CTNNA3: variants seen among roughly 807,000 people sequenced by gnomAD.
CTNNA3 encodes catenin alpha-3.
In CTNNA3, 76 loss-of-function variants were observed where a neutral mutation model predicts 95.7. The observed-to-expected ratio is 0.79, with a 90% CI of 0.66 to 0.96. The LOEUF (loss-of-function observed/expected upper bound fraction) is 0.96. Ranked by LOEUF, CTNNA3 falls within the 40% of genes least tolerant of loss-of-function variation. CTNNA3 has a pLI of 0.00. For synonymous variants in CTNNA3, 431 were observed against 374.4 expected, an observed-to-expected ratio of 1.15 and a Z score of -1.74; for missense variants, 1,191 against 1,089.8, an observed-to-expected ratio of 1.09 and a Z score of -1.31.
intron 6 of CTNNA3, among the ~76,000 whole-genome samples, chr10:67,193,377 T>C (rs1223603597): frequency 1.3e-5 from 2 of 152,014 alleles, no homozygotes; most frequent in African/African-American, 4.8e-5. Flanking sequence ...TAAGTCGGAG[T>C]ACCTGTGCAG....
At chr10:67,010,354 A>C (rs774709565) in intron 7 of CTNNA3, among the ~76,000 whole-genome samples, 28 of 152,184 alleles carry the variant, frequency 1.8e-4, no homozygotes, top group Non-Finnish European at 2.9e-4. Flanking sequence ...AATTGTTTTA[A>C]AATATGTTTT....
chr10:67,386,556 GA>G (rs1233891330), intron 5 of CTNNA3, among the ~76,000 whole-genome samples: 2 of 151,588 alleles, frequency 1.3e-5, no homozygotes, highest in Non-Finnish European at 2.9e-5. Context: ...AACATCAGCA[GA>G]AAAAAAGACT....
chr10:66,926,287 A>AC (rs1847069118), intron 7 of CTNNA3: 3 of 374,084 alleles, frequency 8.0e-6, no homozygotes, highest in African/African-American at 2.4e-5. Context: ...CCCCCTCCCC[A>AC]CCCCCCAAAA....
intron 15 of CTNNA3, among the ~76,000 whole-genome samples, chr10:66,007,430 T>C (rs1269563542): frequency 6.6e-6 from 1 of 152,154 alleles, no homozygotes; most frequent in Non-Finnish European, 1.5e-5. Flanking sequence ...TCCCATTATT[T>C]ATCTATTGCA....
At chr10:66,436,501 C>CTTT (rs34165061) in intron 11 of CTNNA3, among the ~76,000 whole-genome samples, 50 of 60,358 alleles carry the variant, frequency 8.3e-4, no homozygotes, top group Admixed American at 1.2e-3. Context: ...ACAATCCCTG[C>CTTT]TTTTTTTTTT....
rs562569945 is a variant in CTNNA3 at position 67,245,337 on chromosome 10, T to C, written c.580-25467A>G. ...CTCAATATGCCATATTTCCCTTCCTTGCTTTATTTTCTCTGTACTATTTGT... is the reference window on the plus strand; with the variant it reads ...CTCAATATGCCATATTTCCCTTCCTCGCTTTATTTTCTCTGTACTATTTGT... On this transcript the variant is annotated intron_variant, in intron 5 of 17. Transcript: ENST00000433211. 3.3e-5 allele frequency among the ~76,000 whole-genome samples: 5 copies of C among 152,322 alleles called. No individual in the cohort carries two copies. In the South Asian group the frequency reaches 1.0e-3, roughly 32 times the overall value.
chr10:66,312,249 A>G (rs1033794107), intron 12 of CTNNA3, among the ~76,000 whole-genome samples: 1 of 152,082 alleles, frequency 6.6e-6, no homozygotes, highest in African/African-American at 2.4e-5. Context: ...TCCCAGTGCC[A>G]TTCAGTTAAA....
At chr10:67,677,105 T>C (rs1002486260) in intron 1 of CTNNA3, among the ~76,000 whole-genome samples, 1 of 152,136 alleles carries the variant, frequency 6.6e-6, no homozygotes, top group Non-Finnish European at 1.5e-5. Context: ...CTCCCCAGTG[T>C]TGACCAGCCC....
At chr10:66,787,277 A>C (rs1454991184) in intron 7 of CTNNA3, among the ~76,000 whole-genome samples, 1 of 151,426 alleles carries the variant, frequency 6.6e-6, no homozygotes, top group Non-Finnish European at 1.5e-5. Flanking sequence ...TATGTACTAA[A>C]TGTTACTATT....
chr10:66,288,496 A>G (rs2091627118), intron 12 of CTNNA3, among the ~76,000 whole-genome samples: 2 of 152,126 alleles, frequency 1.3e-5, no homozygotes, highest in Admixed American at 1.3e-4. Context: ...CTCATACTTC[A>G]CTATTTTCTA....
chr10:67,157,327 A>G (rs2132079634), intron 7 of CTNNA3, among the ~76,000 whole-genome samples: 1 of 152,268 alleles, frequency 6.6e-6, no homozygotes, highest in East Asian at 1.9e-4. Flanking sequence ...AATTAAGCTC[A>G]TGTGCAAACA....
chr10:66,160,868 A>C (rs1300372293), intron 13 of CTNNA3, among the ~76,000 whole-genome samples: 1 of 152,120 alleles, frequency 6.6e-6, no homozygotes, highest in Non-Finnish European at 1.5e-5. Context: ...CTCCAATGTT[A>C]GGTGCATATA....
upstream of CTNNA3, among the ~76,000 whole-genome samples, chr10:67,698,324 T>A (rs1415505824): frequency 6.6e-6 from 1 of 151,194 alleles, no homozygotes; most frequent in Non-Finnish European, 1.5e-5. Context: ...GTAAGTTTTT[T>A]CGTTCTGGGC....
At chr10:67,211,743 CA>C (rs879697292) in intron 6 of CTNNA3, among the ~76,000 whole-genome samples, 3 of 152,090 alleles carry the variant, frequency 2.0e-5, no homozygotes, top group Admixed American at 1.3e-4. Context: ...TCATTTGTCA[CA>C]AGAGCATTAT....
intron 5 of CTNNA3, among the ~76,000 whole-genome samples, chr10:67,351,557 C>T (rs1842640130): frequency 6.6e-6 from 1 of 151,890 alleles, no homozygotes; most frequent in South Asian, 2.1e-4. Context: ...TAAAACATGC[C>T]TATTAAAAGC....
rs899561757 is a variant in CTNNA3 at position 66,507,275 on chromosome 10, C to A, written c.1531+13342G>T. On this transcript the variant is annotated intron_variant, in intron 11 of 17. Coordinates refer to ENST00000433211, the MANE Select transcript of CTNNA3 (RefSeq NM_013266.4). ...TTTATGGGGTACCAAGTGACAGATA[C>A]ATGTATACAGTGTGTGATTATAAAT... 3.3e-5 allele frequency among the ~76,000 whole-genome samples: 5 copies of A among 152,162 alleles called. No individual in the cohort carries two copies. In the South Asian group the frequency reaches 6.2e-4, roughly 19 times the overall value.
chr10:66,416,442 T>C (rs755747337), intron 11 of CTNNA3, among the ~76,000 whole-genome samples: 1 of 151,952 alleles, frequency 6.6e-6, no homozygotes, highest in Non-Finnish European at 1.5e-5. Context: ...AACATCCAGA[T>C]ACAGAGTCCC....
intron 13 of CTNNA3, among the ~76,000 whole-genome samples, chr10:66,170,981 A>G (rs959071217): frequency 6.6e-6 from 1 of 151,990 alleles, no homozygotes; most frequent in Non-Finnish European, 1.5e-5. Context: ...TAAAAATACA[A>G]AAATTAGCAG....
At chr10:66,171,511 A>T (rs888130946) in intron 13 of CTNNA3, among the ~76,000 whole-genome samples, 15 of 151,498 alleles carry the variant, frequency 9.9e-5, no homozygotes, top group Admixed American at 7.9e-4. Context: ...GCGCCACTGC[A>T]CTCCAGCCTG....
Sources: allele counts gnomAD v4.1 joint callset (sites outside exome capture counted in the v4.1 genomes callset), GRCh38; gene constraint gnomAD v4.1.1; transcripts MANE v1.5; gene names NCBI Gene and HGNC (gene_info 2026-07-23, HGNC 2026-07-21).